The following EBF3 variants were observed in gnomAD, a reference collection of about 807,000 sequenced individuals.
The protein encoded by EBF3 is EBF transcription factor 3, also known as transcription factor COE3.
EBF3 carries 18 observed loss-of-function variants against 77.1 expected under a neutral mutation model. That is an observed-to-expected ratio of 0.23 (90% CI 0.16 to 0.35). EBF3 has a LOEUF of 0.35. Ranked by LOEUF, EBF3 falls within the 10% of genes least tolerant of loss-of-function variation. EBF3 has a pLI of 1.00. For synonymous variants in EBF3, 350 were observed against 343.5 expected (o/e 1.02, Z -0.21); for missense variants, 558 against 860.0 (o/e 0.65, Z 4.39).
Position 129,915,501 on chromosome 10 carries a change from A to C in EBF3, c.555-37652T>G, listed in dbSNP as rs964881444. 1.2e-4 allele frequency among the ~76,000 whole-genome samples: 17 copies of C among 136,016 alleles called. No homozygotes were observed. In the South Asian group the frequency reaches 4.0e-3, roughly 32 times the overall value. The allele number at this position is 136,016 out of a possible 152,430, so 89.2% of individuals were successfully genotyped here. On this transcript the variant is annotated intron_variant, in intron 6 of 16. Transcript: ENST00000440978. ...ACACACACACACACACACACACAAA[A>C]AAGCCAAGACAAGTTGGGTGTTGCT...
intron 6 of EBF3, among the ~76,000 whole-genome samples, chr10:129,933,849 C>T (rs192381338): frequency 2.3e-3 from 352 of 152,270 alleles, no homozygotes; most frequent in Non-Finnish European, 4.7e-3. Flanking sequence ...TGGGCCTCAG[C>T]CTGGCCACGC....
intron 6 of EBF3, among the ~76,000 whole-genome samples, chr10:129,884,991 A>C (rs545723844): frequency 6.6e-6 from 1 of 152,176 alleles, no homozygotes; most frequent in Non-Finnish European, 1.5e-5. Context: ...CTCCTGACAA[A>C]TACCTCACTA....
intron 15 of EBF3, among the ~76,000 whole-genome samples, chr10:129,839,656 A>C (rs2133937801): frequency 6.6e-6 from 1 of 152,280 alleles, no homozygotes; most frequent in East Asian, 1.9e-4. Flanking sequence ...CTCTTTCCAA[A>C]AGACAGTGCA....
At chr10:129,925,720 A>C (rs1856624466) in intron 6 of EBF3, among the ~76,000 whole-genome samples, 2 of 152,128 alleles carry the variant, frequency 1.3e-5, no homozygotes, top group Non-Finnish European at 2.9e-5. Context: ...TGTTATATAT[A>C]TTTACCACAC....
At position 129,837,250 on chromosome 10, in the gene EBF3, T is replaced by C; in HGVS notation, c.*693A>G. On this transcript the variant is annotated 3_prime_UTR_variant, in exon 17 of 17. Transcript: ENST00000440978. The stretch of plus-strand genomic sequence containing the variant: ...GGAACCAACAGACAGTAGCATTTTT[T>C]CTCTGTCAGTGTGCTTGTTGAAGGC... 6.5e-6 allele frequency: 1 copy of C among 152,854 alleles called. No homozygotes were observed. The allele number at this position is 152,854 out of a possible 1,614,324, so 9.5% of individuals were successfully genotyped here.
chr10:129,906,504 C>T (rs1028334867), intron 6 of EBF3, among the ~76,000 whole-genome samples: 8 of 152,176 alleles, frequency 5.3e-5, no homozygotes, highest in African/African-American at 1.9e-4. Context: ...TCAGGTGGAA[C>T]GGGCCCTCTT....
chr10:129,863,046 A>G lies in EBF3; in HGVS notation c.1039+4095T>C, dbSNP rs1851749498. Among the ~76,000 whole-genome samples, 2 of 152,216 alleles carry G rather than the reference A, an allele frequency of 1.3e-5. No individual in the cohort carries two copies. Among genetic ancestry groups the G allele is most frequent in the South Asian group, 4.1e-4 (2 of 4,832 alleles). On this transcript the variant is annotated intron_variant, in intron 10 of 16. Transcript: ENST00000440978. This position sits in a 1 kb window ranked among gnomAD's most constrained non-coding sequence, Gnocchi z 4.0. ...TACTTTTAAATGCAGCAAATATCTCATTAATTTAATTTTAGGTGCCCACCA... is the reference window on the plus strand; with the variant it reads ...TACTTTTAAATGCAGCAAATATCTCGTTAATTTAATTTTAGGTGCCCACCA...
intron 6 of EBF3, among the ~76,000 whole-genome samples, chr10:129,927,673 C>T (rs1671786042): frequency 6.6e-6 from 1 of 152,212 alleles, no homozygotes; most frequent in African/African-American, 2.4e-5. Flanking sequence ...TCATAGTCGT[C>T]TTCTTCCTTT....
rs1010990755 is a variant in EBF3, at chr10:129,861,337, AG to A, written c.1039+5803del. Among the ~76,000 whole-genome samples, 1 of 151,996 alleles carries A rather than the reference AG, an allele frequency of 6.6e-6. No individual in the cohort carries two copies. The highest frequency in any genetic ancestry group is 2.4e-5 in the African/African-American group (1 of 41,282). The stretch of plus-strand genomic sequence containing the variant: ...CCACCCCACTTGGTACGAAAAAAAA[AG>A]TCACCCTTTGCCATCCATATTTAAA... On this transcript the variant is annotated intron_variant, in intron 10 of 16. Transcript: ENST00000440978. This position sits in a 1 kb window ranked among gnomAD's most constrained non-coding sequence, Gnocchi z 4.3.
intron 10 of EBF3, among the ~76,000 whole-genome samples, chr10:129,857,871 G>A (rs1851361308): frequency 6.6e-6 from 1 of 152,202 alleles, no homozygotes; most frequent in Non-Finnish European, 1.5e-5. Flanking sequence ...TGGGAGCCAG[G>A]GGCAGATTCC....
chr10:129,898,853 G>A (rs988750077), intron 6 of EBF3, among the ~76,000 whole-genome samples: 3 of 152,098 alleles, frequency 2.0e-5, no homozygotes, highest in Admixed American at 1.3e-4. Flanking sequence ...GCCCCGCTGC[G>A]CCTCCCGCAG....
chr10:129,853,831 G>A (rs1851060515), intron 10 of EBF3, among the ~76,000 whole-genome samples: 1 of 152,172 alleles, frequency 6.6e-6, no homozygotes, highest in South Asian at 2.1e-4. Flanking sequence ...GAATCCAAGG[G>A]GGAAAAATGC....
intron 6 of EBF3, among the ~76,000 whole-genome samples, chr10:129,917,665 A>AAAAAAAAAAAAAAAAAAAAAAAAAC (rs1418617494): frequency 6.7e-6 from 1 of 149,466 alleles, no homozygotes; most frequent in Non-Finnish European, 1.5e-5. Context: ...AAAAAAAAAA[A>AAAAAAAAAAAAAAAAAAAAAAAAAC]AAAAAAAAAA....
chr10:129,857,026 A>G (rs7919190), intron 10 of EBF3, among the ~76,000 whole-genome samples: 13,814 of 152,212 alleles, frequency 0.091, 1,445 homozygotes, highest in African/African-American at 0.24. Context: ...AGAGCCCAGC[A>G]GTGGGGGAAG....
intron 6 of EBF3, among the ~76,000 whole-genome samples, chr10:129,881,829 G>A (rs746762991): frequency 2.0e-4 from 31 of 152,172 alleles, no homozygotes; most frequent in Non-Finnish European, 4.1e-4. Context: ...TAGAAATCCC[G>A]AGGCCCTCAT....
intron 6 of EBF3, among the ~76,000 whole-genome samples, chr10:129,896,642 C>T (rs955080347): frequency 1.3e-5 from 2 of 152,356 alleles, no homozygotes; most frequent in South Asian, 2.1e-4. Flanking sequence ...GTGCACCGTG[C>T]AGCCCTTGAG....
At chr10:129,874,530 T>C (rs1286857065) in intron 7 of EBF3, among the ~76,000 whole-genome samples, 1 of 152,168 alleles carries the variant, frequency 6.6e-6, no homozygotes, top group Non-Finnish European at 1.5e-5. Context: ...ACAGAGGTGG[T>C]GCATTCATCC....
chr10:129,848,605 C>CT lies in EBF3; in HGVS notation c.1040-126dup. The CT allele has an allele frequency of 1.1e-6, 1 of 947,118 alleles. No homozygotes were observed. Among genetic ancestry groups the CT allele is most frequent in the Non-Finnish European group, 1.7e-6 (1 of 584,284 alleles). The allele number at this position is 947,118 out of a possible 1,614,324, so 58.7% of individuals were successfully genotyped here. A position where few individuals can be genotyped will look rare whatever the true frequency, so the allele number is the denominator to read the frequency against. On this transcript the variant is annotated intron_variant, in intron 10 of 16. Coordinates refer to ENST00000440978, the MANE Select transcript of EBF3 (RefSeq NM_001375380.1). This position sits in a 1 kb window ranked among gnomAD's most constrained non-coding sequence, Gnocchi z 4.4. Reference sequence around the variant, plus strand: ...CTGATGCTCTCTAAGGCAAGCACCCCTGAATACTAGCTGTGTCTTAAGGAA... The same window carrying CT: ...CTGATGCTCTCTAAGGCAAGCACCCCTTGAATACTAGCTGTGTCTTAAGGAA...
rs1003337913 is a variant in EBF3 at position 129,879,756 on chromosome 10, C to T, written c.555-1907G>A. Among the ~76,000 whole-genome samples the T allele has an allele frequency of 2.0e-5, 3 of 152,174 alleles. No individual in the cohort carries two copies. Among genetic ancestry groups the T allele is most frequent in the African/African-American group, 7.2e-5 (3 of 41,442 alleles). Reference sequence around the variant, plus strand: ...CTGTGCAATTAAACTCCACACGTTCCGCAGCGAGGTAAATGAGGCGCACCT... The same window carrying T: ...CTGTGCAATTAAACTCCACACGTTCTGCAGCGAGGTAAATGAGGCGCACCT... On this transcript the variant is annotated intron_variant, in intron 6 of 16. Coordinates refer to ENST00000440978, the MANE Select transcript of EBF3 (RefSeq NM_001375380.1). The surrounding 1 kb of genome is among the most constrained non-coding windows in gnomAD (Gnocchi z 4.7).
Sources: allele counts gnomAD v4.1 joint callset (sites outside exome capture counted in the v4.1 genomes callset), GRCh38; gene constraint gnomAD v4.1.1; non-coding constraint Gnocchi (gnomAD v3.1); transcripts MANE v1.5; gene names NCBI Gene and HGNC (gene_info 2026-07-23, HGNC 2026-07-21).